Variants in ARID4B observed in about 807,000 individuals in gnomAD.
ARID4B encodes the protein AT-rich interaction domain 4B, also known as AT-rich interactive domain-containing protein 4B.
A neutral mutation model predicts 147.5 loss-of-function variants in ARID4B; 26 were observed. That is an observed-to-expected ratio of 0.18 (90% CI 0.13 to 0.24). ARID4B has a LOEUF of 0.24. Ranked by LOEUF, ARID4B falls within the 10% of genes least tolerant of loss-of-function variation. The probability of loss-of-function intolerance (pLI) is 1.00; values close to 1 mark genes in which losing one functional copy is unlikely to be tolerated. For synonymous variants in ARID4B, 512 were observed against 507.9 expected (o/e 1.01, Z -0.11); for missense variants, 1,179 against 1,511.5 (o/e 0.78, Z 3.65).
At position 235,182,288 on chromosome 1, in the gene ARID4B, C is replaced by G. The variant is rs778332026; in HGVS notation, c.2631G>C (p.Lys877Asn). The G allele has an allele frequency of 6.2e-7, 1 of 1,613,806 alleles. No individual in the cohort carries two copies. Residue 877 changes from lysine (K) to asparagine (N), a missense_variant, in exon 20 of 24, where the codon AAG (lysine) becomes AAC (asparagine). Physicochemically the swap from Lys to Asn is moderately conservative, Grantham distance 94. Transcript: ENST00000264183. ...EETKAKMTPTKKYNGLEEKRK... is the reference protein window; with the variant it reads ...EETKAKMTPTNKYNGLEEKRK... Reference sequence around the variant, plus strand: ...TTTTTTCCTCCAAACCATTGTATTTCTTAGTTGGTGTCATCTTTGCTTTTG... The same window carrying G: ...TTTTTTCCTCCAAACCATTGTATTTGTTAGTTGGTGTCATCTTTGCTTTTG...
At chr1:235,208,971 G>T (rs1666515943) in intron 17 of ARID4B, among the ~76,000 whole-genome samples, 1 of 152,168 alleles carries the variant, frequency 6.6e-6, no homozygotes, top group South Asian at 2.1e-4. Context: ...TTTAGATACT[G>T]TCACTGCATC....
At chr1:235,184,442 C>CA (rs200044779) in intron 19 of ARID4B, among the ~76,000 whole-genome samples, 22 of 147,636 alleles carry the variant, frequency 1.5e-4, no homozygotes, top group East Asian at 6.1e-4. Context: ...CAAAACAAAG[C>CA]AAAAAAAAAG....
At chr1:235,253,580 A>G (rs572480485) in intron 5 of ARID4B, among the ~76,000 whole-genome samples, 3 of 152,352 alleles carry the variant, frequency 2.0e-5, no homozygotes, top group South Asian at 2.1e-4. Flanking sequence ...TGTTACATAT[A>G]CATTTATATG....
At chr1:235,255,292 T>A (rs1395444454) in intron 5 of ARID4B, among the ~76,000 whole-genome samples, 1 of 150,770 alleles carries the variant, frequency 6.6e-6, no homozygotes, top group African/African-American at 2.4e-5. Flanking sequence ...TCTCTCTATA[T>A]ATATATATAC....
intron 2 of ARID4B, among the ~76,000 whole-genome samples, chr1:235,264,870 T>G (rs1670502899): frequency 6.7e-6 from 1 of 150,206 alleles, no homozygotes; most frequent in Admixed American, 6.6e-5. Flanking sequence ...ACAAGCCTGG[T>G]CAACATGGTG....
intron 17 of ARID4B, among the ~76,000 whole-genome samples, chr1:235,209,568 G>GT (rs565800900): frequency 0.021 from 3,058 of 144,796 alleles, 88 homozygotes; most frequent in African/African-American, 0.055. Flanking sequence ...TTTTTGTTTT[G>GT]TTTTTTTTTT....
chr1:235,185,177 C>T (rs1039145889), intron 19 of ARID4B, among the ~76,000 whole-genome samples: 1 of 152,078 alleles, frequency 6.6e-6, no homozygotes, highest in African/African-American at 2.4e-5. Context: ...TTATCAACAC[C>T]CATATCTCCC....
chr1:235,219,922 T>C lies in ARID4B; in HGVS notation c.1454A>G (p.Gln485Arg). 1 of 1,587,888 alleles carries C rather than the reference T, an allele frequency of 6.3e-7. No homozygotes were observed. Among genetic ancestry groups the C allele is most frequent in the Non-Finnish European group, 8.6e-7 (1 of 1,160,566 alleles). The change falls in exon 16 of 24, where the codon CAG becomes CGG. Residue 485 changes from glutamine (Q) to arginine (R), a missense_variant. Around this residue, in one of 10 missense-constraint regions of ARID4B, gnomAD observed 204 missense variants for 210.9 expected, o/e 0.97. Coordinates refer to ENST00000264183, the MANE Select transcript of ARID4B (RefSeq NM_016374.6). ...LLESIPTHSDQEKEVNIKKPE... is the reference protein window; with the variant it reads ...LLESIPTHSDREKEVNIKKPE... ...TTTTTTAATGTTAACTTCTTTTTCC[T>C]GATCAGAATGTGTAGGTATAGATTC...
chr1:235,225,006 C>T (rs1487070634), intron 11 of ARID4B, among the ~76,000 whole-genome samples: 1 of 152,154 alleles, frequency 6.6e-6, no homozygotes, highest in Non-Finnish European at 1.5e-5. Flanking sequence ...AGAATCCCCA[C>T]AGTAAAAATT....
chr1:235,188,066 C>T (rs959559475), intron 19 of ARID4B, among the ~76,000 whole-genome samples: 1 of 151,710 alleles, frequency 6.6e-6, no homozygotes, highest in African/African-American at 2.4e-5. Flanking sequence ...AGACTGCACA[C>T]ATGTGAGTGT....
chr1:235,208,501 AT>A (rs201146320), intron 17 of ARID4B, among the ~76,000 whole-genome samples: 9 of 151,410 alleles, frequency 5.9e-5, no homozygotes, highest in African/African-American at 1.7e-4. Context: ...TTTTATTATT[AT>A]TTTTTTTCTA....
At chr1:235,276,835 C>T (rs542111976) in intron 2 of ARID4B, among the ~76,000 whole-genome samples, 2 of 151,866 alleles carry the variant, frequency 1.3e-5, no homozygotes, top group East Asian at 3.9e-4. Context: ...CTCATCTCTA[C>T]TAAAAATACA....
intron 2 of ARID4B, among the ~76,000 whole-genome samples, chr1:235,264,154 C>T (rs1361109358): frequency 2.0e-5 from 3 of 152,184 alleles, no homozygotes; most frequent in Non-Finnish European, 2.9e-5. Flanking sequence ...TACATTATCT[C>T]AGGTAAGTTA....
intron 5 of ARID4B, among the ~76,000 whole-genome samples, chr1:235,254,854 G>A (rs1377029963): frequency 6.6e-6 from 1 of 151,910 alleles, no homozygotes; most frequent in Admixed American, 6.6e-5. Context: ...TAGTAATCAT[G>A]GGAAGGGCAT....
rs181141451 is a variant in ARID4B, at chr1:235,242,990, T to C, written c.447-2539A>G. On this transcript the variant is annotated intron_variant, in intron 7 of 23. Coordinates refer to ENST00000264183, the MANE Select transcript of ARID4B (RefSeq NM_016374.6). The stretch of plus-strand genomic sequence containing the variant: ...ATAATTTACTTATTTCTTATGTTTA[T>C]TCTTTTTTTTCACACCAAGTATGTG... Among the ~76,000 whole-genome samples the C allele has an allele frequency of 5.3e-5, 8 of 152,300 alleles. No individual in the cohort carries two copies. In the East Asian group the frequency reaches 1.5e-3, roughly 29 times the overall value.
chr1:235,209,662 C>G (rs1020857602), intron 17 of ARID4B, among the ~76,000 whole-genome samples: 1 of 149,464 alleles, frequency 6.7e-6, no homozygotes, highest in African/African-American at 2.5e-5. Flanking sequence ...GCCCCTGGAT[C>G]AAGTCATTCT....
intron 2 of ARID4B, among the ~76,000 whole-genome samples, chr1:235,264,521 ACTC>A (rs991378890): frequency 2.6e-5 from 4 of 152,018 alleles, no homozygotes; most frequent in Non-Finnish European, 5.9e-5. Flanking sequence ...TCCAAGCTCT[ACTC>A]CTTACACCAA....
intron 2 of ARID4B, among the ~76,000 whole-genome samples, chr1:235,276,468 G>A (rs1671322377): frequency 6.6e-6 from 1 of 151,922 alleles, no homozygotes; most frequent in African/African-American, 2.4e-5. Context: ...ATTTTTCAAA[G>A]TTATAAACTT....
chr1:235,200,819 A>G (rs1386601043), intron 17 of ARID4B, among the ~76,000 whole-genome samples: 5 of 152,218 alleles, frequency 3.3e-5, no homozygotes, highest in African/African-American at 1.2e-4. Flanking sequence ...GGGAAATTTT[A>G]GCTCAAGTTC....
Sources: allele counts gnomAD v4.1 joint callset (sites outside exome capture counted in the v4.1 genomes callset), GRCh38; gene constraint gnomAD v4.1.1; regional missense constraint gnomAD v4.1.1; transcripts MANE v1.5; gene names NCBI Gene and HGNC (gene_info 2026-07-23, HGNC 2026-07-21).